CLIC6: variants seen among roughly 807,000 people sequenced by gnomAD.
CLIC6 encodes the protein chloride intracellular channel protein 6.
CLIC6 carries 39 observed loss-of-function variants against 49.2 expected under a neutral mutation model. That is an observed-to-expected ratio of 0.79 (90% CI 0.61 to 1.04). CLIC6 has a LOEUF of 1.04. CLIC6 is among the 50% of genes least tolerant of loss of function. CLIC6 has a pLI of 0.00. For missense variants in CLIC6, 988 were observed against 993.1 expected, an observed-to-expected ratio of 0.99 and a Z score of 0.07; for synonymous variants, 446 against 433.4, an observed-to-expected ratio of 1.03 and a Z score of -0.36.
intron 1 of CLIC6, among the ~76,000 whole-genome samples, chr21:34,681,349 A>G (rs760746564): frequency 1.3e-5 from 2 of 152,212 alleles, no homozygotes; most frequent in Non-Finnish European, 2.9e-5. Flanking sequence ...CCCTTTACAC[A>G]TGGTGATTAT....
intron 5 of CLIC6, among the ~76,000 whole-genome samples, chr21:34,709,953 A>C (rs1241443608): frequency 6.6e-6 from 1 of 152,164 alleles, no homozygotes. Context: ...TCTAGGGATG[A>C]CAGAGGAGTG....
At chr21:34,706,562 C>T (rs2056016093) in intron 1 of CLIC6, among the ~76,000 whole-genome samples, 1 of 152,222 alleles carries the variant, frequency 6.6e-6, no homozygotes, top group Non-Finnish European at 1.5e-5. Context: ...AACATTGCCA[C>T]CACCCAGAAG....
At chr21:34,713,820 C>T (rs906172890) in intron 5 of CLIC6, among the ~76,000 whole-genome samples, 1 of 152,036 alleles carries the variant, frequency 6.6e-6, no homozygotes, top group Non-Finnish European at 1.5e-5. Context: ...TGATACATTA[C>T]TGAGCTTTGA....
chr21:34,681,058 C>T (rs1471326524), intron 1 of CLIC6, among the ~76,000 whole-genome samples: 2 of 152,242 alleles, frequency 1.3e-5, no homozygotes, highest in African/African-American at 4.8e-5. Context: ...AGTCCATTCT[C>T]ATACTGCAAT....
In CLIC6 at chr21:34,716,654, A is replaced by G. The variant is rs2056087096; in HGVS notation, c.*172A>G. The G allele has an allele frequency of 6.3e-6, 3 of 476,894 alleles. No individual in the cohort carries two copies. The highest frequency in any genetic ancestry group is 1.1e-5 in the Non-Finnish European group (3 of 274,622). 29.5% of individuals were successfully genotyped at this position (476,894 alleles called of 1,614,324 possible). On this transcript the variant is annotated 3_prime_UTR_variant, in exon 6 of 6. Transcript: ENST00000349499. The stretch of plus-strand genomic sequence containing the variant: ...TTTTCTTCTCTAAAACATTAGTTTA[A>G]TTTTCTTCAAAATGAAAATACTGCT...
chr21:34,707,219 TG>T (rs2145817758), intron 1 of CLIC6, 60 bp from the exon 2 acceptor site: 1 of 1,201,224 alleles, frequency 8.3e-7, no homozygotes, highest in Non-Finnish European at 1.2e-6. Flanking sequence ...GTGCATGTTG[TG>T]GTGTTGGCAC....
intron 1 of CLIC6, among the ~76,000 whole-genome samples, chr21:34,690,204 G>A (rs1989965611): frequency 6.6e-6 from 1 of 152,178 alleles, no homozygotes; most frequent in Non-Finnish European, 1.5e-5. Context: ...GAGGGTGAGG[G>A]CACAGCGCTG....
intron 1 of CLIC6, among the ~76,000 whole-genome samples, chr21:34,689,859 C>T (rs374209363): frequency 6.6e-5 from 10 of 152,124 alleles, no homozygotes; most frequent in Non-Finnish European, 1.2e-4. Flanking sequence ...TTTCCTTGAA[C>T]GCTTTATCAT....
chr21:34,674,311 C>T (rs1055790980), intron 1 of CLIC6, among the ~76,000 whole-genome samples: 4 of 152,100 alleles, frequency 2.6e-5, no homozygotes, highest in African/African-American at 7.2e-5. Context: ...CAGAGGGTCT[C>T]GAACTCCTGG....
intron 1 of CLIC6, among the ~76,000 whole-genome samples, chr21:34,683,280 T>A (rs1989816558): frequency 6.6e-6 from 1 of 152,214 alleles, no homozygotes; most frequent in Non-Finnish European, 1.5e-5. Flanking sequence ...GTAAGATATA[T>A]CGCTTTGATC....
At chr21:34,709,681 C>A in intron 5 of CLIC6, 143 bp downstream of exon 5, 1 of 725,962 alleles carries the variant, frequency 1.4e-6, no homozygotes, top group Non-Finnish European at 2.2e-6. Context: ...TTCGGGGCAG[C>A]CAAGCCCCAG....
chr21:34,670,570 C>A lies in CLIC6; in HGVS notation c.1182C>A (p.Pro394=). Residue 394 remains proline (P), a synonymous_variant, in exon 1 of 6, where the codon CCC becomes CCA. Transcript: ENST00000349499. ...CAGCGGGGGGCGAAGAGGAATCCCC[C>A]GACAGCAGCCCACATGGGGAGGCCT... ...EEAAGGEEES[P]DSSPHGEASR... 6.6e-7 allele frequency: 1 copy of A among 1,511,942 alleles called. No individual in the cohort carries two copies. The highest frequency in any genetic ancestry group is 2.3e-5 in the Admixed American group (1 of 44,274). 93.7% of individuals were successfully genotyped at this position (1,511,942 alleles called of 1,614,324 possible). A position where few individuals can be genotyped will look rare whatever the true frequency, so the allele number is the denominator to read the frequency against.
chr21:34,689,244 G>T (rs1330003173), intron 1 of CLIC6, among the ~76,000 whole-genome samples: 1 of 152,182 alleles, frequency 6.6e-6, no homozygotes, highest in Non-Finnish European at 1.5e-5. Context: ...CCTCCCCTTT[G>T]GTTTTCCACA....
intron 4 of CLIC6, 117 bp from the exon 5 acceptor site, chr21:34,709,240 A>C: frequency 1.2e-6 from 1 of 820,506 alleles, no homozygotes; most frequent in South Asian, 1.6e-5. Flanking sequence ...CCTTCCCAGC[A>C]CCCATTGCTT....
intron 1 of CLIC6, among the ~76,000 whole-genome samples, chr21:34,694,657 A>G (rs1240802068): frequency 2.6e-5 from 4 of 152,030 alleles, no homozygotes; most frequent in Non-Finnish European, 5.9e-5. Context: ...CTCCCCAGCC[A>G]TGCTTCCTGT....
Position 34,669,554 on chromosome 21 carries a change from G to T in CLIC6, c.166G>T (p.Ala56Ser). The change falls in exon 1 of 6, where the codon GCT becomes TCT. Residue 56 changes from alanine to serine, a missense_variant. Ala to Ser is a moderately conservative substitution (Grantham distance 99). Transcript: ENST00000349499. ...GAEEAPRGAA[A>S]VKEAGGGGPD... ...AGAGGAGGCGCCGAGGGGCGCCGCC[G>T]CTGTGAAGGAGGCAGGAGGCGGCGG... is the stretch of plus-strand genomic sequence containing the variant. 8.0e-7 allele frequency: 1 copy of T among 1,246,684 alleles called. No homozygotes were observed. Among genetic ancestry groups the T allele is most frequent in the Non-Finnish European group, 1.0e-6 (1 of 997,546 alleles). 77.2% of individuals were successfully genotyped at this position (1,246,684 alleles called of 1,614,324 possible). A position where few individuals can be genotyped will look rare whatever the true frequency, so the allele number is the denominator to read the frequency against.
chr21:34,706,899 G>C (rs772036174), intron 1 of CLIC6, among the ~76,000 whole-genome samples: 1 of 152,174 alleles, frequency 6.6e-6, no homozygotes, highest in Non-Finnish European at 1.5e-5. Context: ...GGAGAGGATC[G>C]AGAGATAGAG....
chr21:34,707,654 T>C (rs111600241), intron 2 of CLIC6, among the ~76,000 whole-genome samples: 350 of 152,336 alleles, frequency 2.3e-3, no homozygotes, highest in African/African-American at 7.8e-3. Flanking sequence ...CCCAAGCCTG[T>C]CTGAGCACCA....
At position 34,683,966 on chromosome 21, in the gene CLIC6, CTG is replaced by C. The variant is rs199652737; in HGVS notation, c.1374+13206_1374+13207del. On this transcript the variant is annotated intron_variant, in intron 1 of 5. Coordinates refer to ENST00000349499, the MANE Select transcript of CLIC6 (RefSeq NM_053277.3). ...GAAGCTTTTGTGGAAAACACAGACT[CTG>C]TTGACATATTCCAGATTTTTACTAG... Among the ~76,000 whole-genome samples the C allele has an allele frequency of 3.3e-3, 507 of 152,316 alleles. 1 individual carries two copies. The highest frequency in any genetic ancestry group is 0.011 in the African/African-American group (474 of 41,556).
Sources: allele counts gnomAD v4.1 joint callset (sites outside exome capture counted in the v4.1 genomes callset), GRCh38; gene constraint gnomAD v4.1.1; transcripts MANE v1.5; gene names NCBI Gene and HGNC (gene_info 2026-07-23, HGNC 2026-07-21).